Variants in BICD1 observed in about 807,000 individuals in gnomAD.
The protein encoded by BICD1 is protein bicaudal D homolog 1.
Under a neutral mutation model 92.5 loss-of-function variants are expected in BICD1, and 35 were observed. The ratio of observed to expected loss-of-function variants is 0.38; its 90% CI spans 0.29 to 0.50. The LOEUF (loss-of-function observed/expected upper bound fraction) is 0.50. Among genes scored for constraint, BICD1 ranks in the 20% least tolerant of loss-of-function variants. BICD1 has a pLI of 0.93. For missense variants in BICD1, 950 were observed against 1,189.8 expected (o/e 0.80, Z 2.97); for synonymous variants, 429 against 465.1 (o/e 0.92, Z 1.00).
At chr12:32,139,603 G>GC (rs1246946327) in intron 1 of BICD1, among the ~76,000 whole-genome samples, 4 of 152,234 alleles carry the variant, frequency 2.6e-5, no homozygotes, top group South Asian at 2.1e-4. Context: ...TCGCTCTGTC[G>GC]CCAGGCTGGA....
At chr12:32,151,061 A>T (rs936136271) in intron 1 of BICD1, among the ~76,000 whole-genome samples, 1 of 152,220 alleles carries the variant, frequency 6.6e-6, no homozygotes, top group African/African-American at 2.4e-5. Context: ...ATCAAAACAG[A>T]TGGTGGTGGG....
intron 1 of BICD1, among the ~76,000 whole-genome samples, chr12:32,157,086 G>A (rs892251769): frequency 1.3e-5 from 2 of 151,994 alleles, no homozygotes; most frequent in Admixed American, 6.6e-5. Context: ...CTAAATCAAA[G>A]GTCTGGTTTT....
At chr12:32,154,310 A>G (rs1159202332) in intron 1 of BICD1, among the ~76,000 whole-genome samples, 1 of 152,184 alleles carries the variant, frequency 6.6e-6, no homozygotes, top group Non-Finnish European at 1.5e-5. Flanking sequence ...GGCGAGGTCT[A>G]TTGGAGAGCT....
intron 1 of BICD1, among the ~76,000 whole-genome samples, chr12:32,139,157 GCTGT>G: frequency 6.6e-6 from 1 of 152,192 alleles, no homozygotes; most frequent in African/African-American, 2.4e-5. Context: ...AATTTAGGGG[GCTGT>G]CTGTTTTGTG....
chr12:32,133,983 G>A (rs544734786), intron 1 of BICD1, among the ~76,000 whole-genome samples: 14 of 152,102 alleles, frequency 9.2e-5, no homozygotes, highest in African/African-American at 3.4e-4. Flanking sequence ...GGGTTTCACT[G>A]TGTTGGCCAG....
intron 2 of BICD1, among the ~76,000 whole-genome samples, chr12:32,286,419 A>G (rs535445888): frequency 1.3e-5 from 2 of 152,278 alleles, no homozygotes; most frequent in Admixed American, 1.3e-4. Context: ...TAGATTTTTC[A>G]AGAAAGAAAA....
intron 1 of BICD1, among the ~76,000 whole-genome samples, chr12:32,175,983 AT>A (rs1326643361): frequency 3.3e-5 from 5 of 152,186 alleles, no homozygotes; most frequent in Non-Finnish European, 7.4e-5. Flanking sequence ...ATGGTACCAT[AT>A]GTGAACTTTT....
chr12:32,127,299 A>C (rs1454296466), intron 1 of BICD1, among the ~76,000 whole-genome samples: 1 of 152,114 alleles, frequency 6.6e-6, no homozygotes, highest in Non-Finnish European at 1.5e-5. Context: ...TTAAATCTTT[A>C]ATTCTCCCTG....
At position 32,118,091 on chromosome 12, in the gene BICD1, A is replaced by ATTTTATTTTTTTT. The variant is rs1555126592; in HGVS notation, c.213+10551_213+10552insATTTTTTTTTTTT. 3.6e-4 allele frequency among the ~76,000 whole-genome samples: 17 copies of ATTTTATTTTTTTT among 46,870 alleles called. 1 individual carries two copies. Among genetic ancestry groups the ATTTTATTTTTTTT allele is most frequent in the Non-Finnish European group, 4.3e-4 (9 of 20,706 alleles). 30.7% of individuals were successfully genotyped at this position (46,870 alleles called of 152,430 possible). On this transcript the variant is annotated intron_variant, in intron 1 of 9. Coordinates refer to ENST00000652176, the MANE Select transcript of BICD1 (RefSeq NM_001714.4). ...TATTTTATTTTATTTTATTTTATTT[A>ATTTTATTTTTTTT]TTTTTTTTGAGATGGAGTCTCACTC...
intron 4 of BICD1, among the ~76,000 whole-genome samples, chr12:32,307,440 A>G (rs1489071180): frequency 2.0e-5 from 3 of 152,226 alleles, no homozygotes; most frequent in Non-Finnish European, 4.4e-5. Context: ...CAGCATTACC[A>G]TCACCTGGGG....
At chr12:32,206,086 A>C (rs1945048811) in intron 1 of BICD1, among the ~76,000 whole-genome samples, 1 of 152,144 alleles carries the variant, frequency 6.6e-6, no homozygotes, top group Non-Finnish European at 1.5e-5. Context: ...GATATGCCAC[A>C]ACTTGGTTTT....
intron 4 of BICD1, among the ~76,000 whole-genome samples, chr12:32,309,275 A>C (rs913590574): frequency 3.3e-5 from 5 of 152,178 alleles, no homozygotes; most frequent in African/African-American, 4.8e-5. Flanking sequence ...TGTGCACCTG[A>C]AGCATATATG....
intron 2 of BICD1, among the ~76,000 whole-genome samples, chr12:32,270,119 T>TAAAA (rs34843444): frequency 8.4e-3 from 1,062 of 125,788 alleles, no homozygotes; most frequent in East Asian, 0.028. Context: ...AGACTCCCTC[T>TAAAA]AAAAAAAAAA....
intron 2 of BICD1, among the ~76,000 whole-genome samples, chr12:32,235,585 G>A (rs190159989): frequency 6.6e-6 from 1 of 150,846 alleles, no homozygotes; most frequent in East Asian, 1.9e-4. Context: ...TTGAAGGTTT[G>A]TGGCACCCCT....
chr12:32,117,350 C>T (rs1941951807), intron 1 of BICD1, among the ~76,000 whole-genome samples: 1 of 152,112 alleles, frequency 6.6e-6, no homozygotes, highest in South Asian at 2.1e-4. Flanking sequence ...TTCCCACCAC[C>T]AGAGCAGTGT....
intron 8 of BICD1, 75 bp downstream of exon 8, chr12:32,339,054 C>T (rs924636414): frequency 1.2e-5 from 18 of 1,448,438 alleles, no homozygotes; most frequent in Admixed American, 3.1e-5. Flanking sequence ...TCCGGTCACT[C>T]AGGCTCACCC....
At chr12:32,130,628 G>A (rs1238956351) in intron 1 of BICD1, among the ~76,000 whole-genome samples, 1 of 152,162 alleles carries the variant, frequency 6.6e-6, no homozygotes, top group Non-Finnish European at 1.5e-5. Context: ...GGGCCCAGCA[G>A]TCTCACAGAA....
intron 1 of BICD1, among the ~76,000 whole-genome samples, chr12:32,151,756 T>C (rs536538837): frequency 6.6e-6 from 1 of 152,242 alleles, no homozygotes; most frequent in African/African-American, 2.4e-5. Flanking sequence ...CACTGAGGCA[T>C]ATGAGCAATA....
intron 2 of BICD1, among the ~76,000 whole-genome samples, chr12:32,286,653 C>G (rs534587823): frequency 6.6e-6 from 1 of 152,254 alleles, no homozygotes; most frequent in Admixed American, 6.5e-5. Flanking sequence ...TATTTTATTT[C>G]AAAGTGCATT....
Sources: allele counts gnomAD v4.1 joint callset (sites outside exome capture counted in the v4.1 genomes callset), GRCh38; gene constraint gnomAD v4.1.1; transcripts MANE v1.5; gene names NCBI Gene and HGNC (gene_info 2026-07-23, HGNC 2026-07-21).